VTI1A: variants seen among roughly 807,000 people sequenced by gnomAD.
VTI1A encodes vesicle transport through interaction with t-SNAREs 1A.
A neutral mutation model predicts 34.9 loss-of-function variants in VTI1A; 22 were observed. The ratio of observed to expected loss-of-function variants is 0.63; its 90% CI spans 0.45 to 0.90. The LOEUF is 0.90. VTI1A is among the 40% of genes least tolerant of loss of function. The pLI is 0.00. For synonymous variants in VTI1A, 87 were observed against 97.3 expected, an observed-to-expected ratio of 0.89 and a Z score of 0.62; for missense variants, 268 against 275.6, an observed-to-expected ratio of 0.97 and a Z score of 0.20.
intron 3 of VTI1A, among the ~76,000 whole-genome samples, chr10:112,505,925 T>G (rs910467930): frequency 2.0e-5 from 3 of 152,192 alleles, no homozygotes; most frequent in Admixed American, 6.5e-5. Flanking sequence ...ACCTACTTTC[T>G]GTGGTTTCAG....
At chr10:112,688,027 TA>T (rs1848483503) in intron 7 of VTI1A, among the ~76,000 whole-genome samples, 1 of 150,758 alleles carries the variant, frequency 6.6e-6, no homozygotes, top group East Asian at 1.9e-4. Flanking sequence ...GATCTCAGCT[TA>T]CTGCAACCTC....
At chr10:112,732,567 A>G (rs1053175651) in intron 7 of VTI1A, among the ~76,000 whole-genome samples, 3 of 152,184 alleles carry the variant, frequency 2.0e-5, no homozygotes, top group Non-Finnish European at 4.4e-5. Context: ...AATGTTCTTC[A>G]TGGTCGAGGT....
chr10:112,626,080 TG>T (rs990328798), intron 5 of VTI1A, among the ~76,000 whole-genome samples: 82 of 152,310 alleles, frequency 5.4e-4, no homozygotes, highest in African/African-American at 1.9e-3. Flanking sequence ...CCTTTTTTTT[TG>T]TAATGATTTC....
chr10:112,557,004 A>G (rs76912021), intron 5 of VTI1A, among the ~76,000 whole-genome samples: 97 of 152,176 alleles, frequency 6.4e-4, no homozygotes, highest in African/African-American at 2.3e-3. Context: ...GAAAATCTCA[A>G]TATTGTTGAC....
chr10:112,728,604 A>G (rs1850134162), intron 7 of VTI1A, among the ~76,000 whole-genome samples: 1 of 152,206 alleles, frequency 6.6e-6, no homozygotes, highest in African/African-American at 2.4e-5. Flanking sequence ...CACATGCATC[A>G]CAAAGGGCTC....
intron 3 of VTI1A, among the ~76,000 whole-genome samples, chr10:112,497,841 A>C (rs1849082606): frequency 6.6e-6 from 1 of 152,200 alleles, no homozygotes; most frequent in Non-Finnish European, 1.5e-5. Context: ...ATATGTAAAT[A>C]GGTTAAAGTT....
chr10:112,736,676 G>C, intron 7 of VTI1A: 1 of 1,551,214 alleles, frequency 6.4e-7, no homozygotes, highest in South Asian at 1.2e-5. Flanking sequence ...TTAGCAATGA[G>C]GGATGGTGAG....
chr10:112,680,957 G>C (rs929309523), intron 7 of VTI1A, among the ~76,000 whole-genome samples: 1 of 152,134 alleles, frequency 6.6e-6, no homozygotes, highest in African/African-American at 2.4e-5. Context: ...GGCCACAGCT[G>C]TGTTGAGGAT....
chr10:112,585,803 A>G (rs541416189), intron 5 of VTI1A, among the ~76,000 whole-genome samples: 1 of 152,036 alleles, frequency 6.6e-6, no homozygotes, highest in Non-Finnish European at 1.5e-5. Flanking sequence ...GCATTCTAGC[A>G]TAAAAAGTGT....
intron 7 of VTI1A, among the ~76,000 whole-genome samples, chr10:112,681,651 G>A (rs1406278504): frequency 6.6e-6 from 1 of 152,110 alleles, no homozygotes; most frequent in East Asian, 1.9e-4. Context: ...TTCACTGGTT[G>A]TGCCCCAGTT....
intron 7 of VTI1A, among the ~76,000 whole-genome samples, 143 bp from the exon 8 acceptor site, chr10:112,815,137 GCGCACACACA>G (rs891556782): frequency 1.8e-4 from 14 of 77,556 alleles, no homozygotes; most frequent in South Asian, 1.0e-3. Flanking sequence ...TCTTTCGCGC[GCGCACACACA>G]CACACACACA....
intron 5 of VTI1A, among the ~76,000 whole-genome samples, chr10:112,600,142 A>C (rs1844826904): frequency 6.6e-6 from 1 of 152,182 alleles, no homozygotes; most frequent in South Asian, 2.1e-4. Flanking sequence ...ACAATCTGAA[A>C]AACGGAATGT....
chr10:112,578,368 G>A (rs1007608526), intron 5 of VTI1A, among the ~76,000 whole-genome samples: 1 of 152,112 alleles, frequency 6.6e-6, no homozygotes, highest in East Asian at 1.9e-4. Flanking sequence ...AGAAATCCAC[G>A]GTTTCTGGTT....
At chr10:112,708,650 A>C (rs1013266084) in intron 7 of VTI1A, among the ~76,000 whole-genome samples, 3 of 152,234 alleles carry the variant, frequency 2.0e-5, no homozygotes, top group Non-Finnish European at 4.4e-5. Flanking sequence ...GAAGCGAGTC[A>C]CCAGCTATTC....
At chr10:112,615,423 C>A (rs1480135078) in intron 5 of VTI1A, among the ~76,000 whole-genome samples, 1 of 152,120 alleles carries the variant, frequency 6.6e-6, no homozygotes, top group Non-Finnish European at 1.5e-5. Flanking sequence ...GAGAACACAT[C>A]TCTTTTTGTT....
At chr10:112,488,173 C>T (rs979065939) in intron 3 of VTI1A, among the ~76,000 whole-genome samples, 3 of 152,046 alleles carry the variant, frequency 2.0e-5, no homozygotes, top group Non-Finnish European at 4.4e-5. Flanking sequence ...GGTACTAAAC[C>T]TTATATTGCC....
intron 5 of VTI1A, among the ~76,000 whole-genome samples, chr10:112,563,953 GTAAA>G (rs1268124606): frequency 6.6e-6 from 1 of 151,990 alleles, no homozygotes; most frequent in Non-Finnish European, 1.5e-5. Flanking sequence ...TTTTAGCTTT[GTAAA>G]TTGACAGTGC....
In VTI1A at chr10:112,767,106, TG is replaced by T. The variant is rs1342614329; in HGVS notation, c.561-48182del. On this transcript the variant is annotated intron_variant, in intron 7 of 7. Transcript: ENST00000393077. This position sits in a 1 kb window ranked among gnomAD's most constrained non-coding sequence, Gnocchi z 4.0. ...ATGATTTCATCAGCTTCCCAATCTGTGGCTTAAAGTTGACTTTTCAATCCAT... is the reference window on the plus strand; with the variant it reads ...ATGATTTCATCAGCTTCCCAATCTGTGCTTAAAGTTGACTTTTCAATCCAT... Among the ~76,000 whole-genome samples, 2 of 152,250 alleles carry T rather than the reference TG, an allele frequency of 1.3e-5. No homozygotes were observed. The highest frequency in any genetic ancestry group is 4.8e-5 in the African/African-American group (2 of 41,470).
At chr10:112,573,887 A>G (rs965878727) in intron 5 of VTI1A, among the ~76,000 whole-genome samples, 6 of 152,192 alleles carry the variant, frequency 3.9e-5, no homozygotes, top group African/African-American at 1.2e-4. Context: ...AAAATATATT[A>G]AGACTAATAC....
Sources: allele counts gnomAD v4.1 joint callset (sites outside exome capture counted in the v4.1 genomes callset), GRCh38; gene constraint gnomAD v4.1.1; non-coding constraint Gnocchi (gnomAD v3.1); transcripts MANE v1.5; gene names NCBI Gene and HGNC (gene_info 2026-07-23, HGNC 2026-07-21).